The following STK24 variants were observed in gnomAD, a reference collection of about 807,000 sequenced individuals.
The protein encoded by STK24 is serine/threonine-protein kinase 24.
Under a neutral mutation model 55.6 loss-of-function variants are expected in STK24, and 21 were observed. That is an observed-to-expected ratio of 0.38 (90% CI 0.27 to 0.54). The LOEUF (loss-of-function observed/expected upper bound fraction) is 0.54. STK24 is among the 20% of genes least tolerant of loss of function. The pLI is 0.79. For synonymous variants in STK24, 200 were observed against 215.2 expected (o/e 0.93, Z 0.62); for missense variants, 383 against 538.4 (o/e 0.71, Z 2.86).
intron 2 of STK24, among the ~76,000 whole-genome samples, chr13:98,503,277 A>T (rs944386148): frequency 6.6e-6 from 1 of 152,140 alleles, no homozygotes; most frequent in Non-Finnish European, 1.5e-5. Context: ...AGAGACTAAG[A>T]ATGTGCCTGC....
chr13:98,453,579 G>A (rs1014329131), intron 10 of STK24: 2 of 177,902 alleles, frequency 1.1e-5, no homozygotes, highest in African/African-American at 2.4e-5. Flanking sequence ...CCCGATGTGA[G>A]GGCAGGAAAC....
chr13:98,541,385 T>C (rs1896886156), intron 1 of STK24, among the ~76,000 whole-genome samples: 1 of 152,184 alleles, frequency 6.6e-6, no homozygotes, highest in African/African-American at 2.4e-5. Context: ...CCCAACACTT[T>C]CAGCTGCATC....
rs1465063595 is a variant in STK24, at chr13:98,453,217, AAAAG to A, written c.1260-12_1260-9del. ...CCACCACTTAGAGAGTATCTAGGGA[AAAAG>A]AGAGAGAGAGAAGTCAACACATGTC... is the stretch of plus-strand genomic sequence containing the variant. On this transcript the variant is annotated splice_polypyrimidine_tract_variant and intron_variant, in intron 10 of 10. Coordinates refer to ENST00000539966, the MANE Select transcript of STK24 (RefSeq NM_001032296.4). 10 of 1,612,494 alleles carry A rather than the reference AAAAG, an allele frequency of 6.2e-6. No individual in the cohort carries two copies. The highest frequency in any genetic ancestry group is 8.5e-6 in the Non-Finnish European group (10 of 1,179,468).
chr13:98,504,167 C>A (rs1398874161), intron 2 of STK24, among the ~76,000 whole-genome samples: 2 of 152,058 alleles, frequency 1.3e-5, no homozygotes, highest in Non-Finnish European at 1.5e-5. Flanking sequence ...ATGAAAATTT[C>A]TCTTCTCTCA....
In STK24 at chr13:98,450,767, C is replaced by T. The variant is rs1185154956; in HGVS notation, c.*2406G>A. ...ACGCTGAGGCAGGTTCCAGTGGTAG[C>T]CCTGGTGCCTGGGCTCTCTCTTAAT... On this transcript the variant is annotated 3_prime_UTR_variant, in exon 11 of 11. Transcript: ENST00000539966. 6.6e-6 allele frequency: 1 copy of T among 152,272 alleles called. No homozygotes were observed. The highest frequency in any genetic ancestry group is 2.4e-5 in the African/African-American group (1 of 41,450). The allele number at this position is 152,272 out of a possible 1,614,324, so 9.4% of individuals were successfully genotyped here.
chr13:98,453,580 G>A (rs1893304796), intron 10 of STK24: 1 of 176,688 alleles, frequency 5.7e-6, no homozygotes. Context: ...CCGATGTGAG[G>A]GCAGGAAACC....
intron 2 of STK24, among the ~76,000 whole-genome samples, chr13:98,506,385 A>T (rs1223717620): frequency 1.3e-5 from 2 of 152,210 alleles, no homozygotes; most frequent in East Asian, 1.9e-4. Context: ...AAATGGAATC[A>T]CCGCCCAGAT....
At chr13:98,464,749 G>A (rs1290424109) in intron 6 of STK24, among the ~76,000 whole-genome samples, 1 of 151,752 alleles carries the variant, frequency 6.6e-6, no homozygotes, top group Admixed American at 6.6e-5. Context: ...CACCTGCCTC[G>A]GCCTCCCAAA....
intron 2 of STK24, among the ~76,000 whole-genome samples, chr13:98,504,857 G>C (rs187673380): frequency 5.1e-4 from 77 of 151,994 alleles, no homozygotes; most frequent in Non-Finnish European, 8.7e-4. Context: ...ATGGAGGCAG[G>C]TTCGGGCTGA....
At chr13:98,484,744 G>T (rs192948521) in intron 2 of STK24, among the ~76,000 whole-genome samples, 1 of 152,010 alleles carries the variant, frequency 6.6e-6, no homozygotes, top group African/African-American at 2.4e-5. Flanking sequence ...TTTCTGTGTC[G>T]CCCTGATCCT....
intron 2 of STK24, among the ~76,000 whole-genome samples, chr13:98,492,842 G>A (rs1423707534): frequency 1.3e-5 from 2 of 152,160 alleles, no homozygotes; most frequent in African/African-American, 4.8e-5. Context: ...GCCTGCACAT[G>A]GCAAGGAAGG....
chr13:98,557,464 G>GCC (rs1250030076), intron 1 of STK24, among the ~76,000 whole-genome samples: 1 of 152,112 alleles, frequency 6.6e-6, no homozygotes, highest in Non-Finnish European at 1.5e-5. Flanking sequence ...ACTGAAGCCT[G>GCC]CCCCGCTCAC....
chr13:98,483,566 G>A (rs1045416079), intron 2 of STK24, among the ~76,000 whole-genome samples: 3 of 152,094 alleles, frequency 2.0e-5, no homozygotes, highest in African/African-American at 4.8e-5. Flanking sequence ...AACTTCCCAG[G>A]CCTTTTTGCT....
At chr13:98,557,561 C>T (rs9556972) in intron 1 of STK24, among the ~76,000 whole-genome samples, 39,331 of 152,140 alleles carry the variant, frequency 0.26, 6,010 homozygotes, top group East Asian at 0.41. Flanking sequence ...CCTGGGAAAC[C>T]GCAATGAGAC....
intron 1 of STK24, among the ~76,000 whole-genome samples, chr13:98,528,255 G>A (rs1165134048): frequency 1.3e-5 from 2 of 152,198 alleles, no homozygotes; most frequent in Non-Finnish European, 1.5e-5. Context: ...CTTGCAAGGC[G>A]AAAACCTAAA....
intron 2 of STK24, among the ~76,000 whole-genome samples, chr13:98,515,419 C>T (rs2139373946): frequency 6.6e-6 from 1 of 152,046 alleles, no homozygotes; most frequent in African/African-American, 2.4e-5. Context: ...GGTTTAATTT[C>T]CCAAAAAGTA....
intron 2 of STK24, among the ~76,000 whole-genome samples, chr13:98,489,121 TACA>T (rs202191782): frequency 0.01 from 1,599 of 152,300 alleles, 27 homozygotes; most frequent in African/African-American, 0.035. Context: ...TGATGGCAAC[TACA>T]ACAAGGCCTC....
chr13:98,569,558 G>A (rs1897682582), intron 1 of STK24, among the ~76,000 whole-genome samples: 1 of 152,172 alleles, frequency 6.6e-6, no homozygotes, highest in Non-Finnish European at 1.5e-5. Flanking sequence ...AAAGGCACAG[G>A]TGCCACCCGA....
At chr13:98,518,953 T>G (rs1896166854) in intron 2 of STK24, among the ~76,000 whole-genome samples, 1 of 145,366 alleles carries the variant, frequency 6.9e-6, no homozygotes, top group African/African-American at 2.5e-5. Context: ...GGTGAATAAC[T>G]GTTATAATAA....
Sources: allele counts gnomAD v4.1 joint callset (sites outside exome capture counted in the v4.1 genomes callset), GRCh38; gene constraint gnomAD v4.1.1; transcripts MANE v1.5; gene names NCBI Gene and HGNC (gene_info 2026-07-23, HGNC 2026-07-21).